EXOC3L2: variants seen among roughly 807,000 people sequenced by gnomAD.
EXOC3L2 encodes the protein exocyst complex component 3-like protein 2.
EXOC3L2 carries 17 observed loss-of-function variants against 44.4 expected under a neutral mutation model. The ratio of observed to expected loss-of-function variants is 0.38; its 90% CI spans 0.26 to 0.57. The LOEUF is 0.57. Ranked by LOEUF, EXOC3L2 falls within the 20% of genes least tolerant of loss-of-function variation. EXOC3L2 has a pLI of 0.65. For missense variants in EXOC3L2, 541 were observed against 588.4 expected, an observed-to-expected ratio of 0.92 and a Z score of 0.83; for synonymous variants, 256 against 253.7, an observed-to-expected ratio of 1.01 and a Z score of -0.09.
At chr19:45,214,332 A>C (rs917483336) in intron 11 of EXOC3L2, among the ~76,000 whole-genome samples, 1 of 152,142 alleles carries the variant, frequency 6.6e-6, no homozygotes, top group Non-Finnish European at 1.5e-5. Flanking sequence ...ATGTCTGAGA[A>C]TGTGTCTGCC....
chr19:45,240,089 T>C (rs778344563), intron 1 of EXOC3L2, among the ~76,000 whole-genome samples: 2 of 149,848 alleles, frequency 1.3e-5, no homozygotes, highest in Non-Finnish European at 3.0e-5. Flanking sequence ...ATGTCTAGAA[T>C]AGGCAAAGCC....
rs1038760422 is a variant in EXOC3L2, at chr19:45,234,049, T to C, written c.1157+144A>G. The C allele has an allele frequency of 1.3e-5, 5 of 372,126 alleles. No individual in the cohort carries two copies. The highest frequency in any genetic ancestry group is 6.3e-5 in the African/African-American group (3 of 47,482). The allele number at this position is 372,126 out of a possible 1,614,324, so 23.1% of individuals were successfully genotyped here. ...AGTCTAGGATTGTAACTGTCAGCGG[T>C]GCTGACGACTGGATGGGTTAATGGT... On this transcript the variant is annotated intron_variant, in intron 3 of 11. Transcript: ENST00000413988. This position sits in a 1 kb window ranked among gnomAD's most constrained non-coding sequence, Gnocchi z 5.0.
At position 45,218,279 on chromosome 19, in the gene EXOC3L2, C is replaced by G; in HGVS notation, c.1760G>C (p.Ser587Thr). The change falls in exon 9 of 12, where the codon AGC (serine) becomes ACC (threonine). Residue 587 changes from serine to threonine, a missense_variant. Physicochemically the swap from Ser to Thr is moderately conservative, Grantham distance 58 (BLOSUM62 1). Coordinates refer to ENST00000413988, the MANE Select transcript of EXOC3L2 (RefSeq NM_001382422.1). ...CACGATGCCATCCAGGGCCTCCGGG[C>G]TGCTCAGCCACTTCCGGCGCATCAG... ...NKLMRRKWLS[S>T]PEALDGIVGT... 1.2e-6 allele frequency: 2 copies of G among 1,608,858 alleles called. No homozygotes were observed. The highest frequency in any genetic ancestry group is 1.7e-6 in the Non-Finnish European group (2 of 1,178,586).
chr19:45,225,272 C>CT (rs1020532502), intron 7 of EXOC3L2, among the ~76,000 whole-genome samples: 163 of 142,516 alleles, frequency 1.1e-3, no homozygotes, highest in Middle Eastern at 3.6e-3. Context: ...GTCTGTGGTT[C>CT]TTTTTTTTTT....
chr19:45,213,326 G>A lies in EXOC3L2; in HGVS notation c.2152C>T (p.Arg718Cys), dbSNP rs1348252167. 25 of 1,613,740 alleles carry A rather than the reference G, an allele frequency of 1.5e-5. No homozygotes were observed. Among genetic ancestry groups the A allele is most frequent in the Middle Eastern group, 1.7e-4 (1 of 6,052 alleles). ...CGGGCGGCTGTGTTGCGCAGGCCAC[G>A]GATGTCGAGGAGGGCTGCCACGTGC... ...QKHVAALLDI[R>C]GLRNTAARQE... The change falls in exon 12 of 12, where the codon CGT becomes TGT. Residue 718 changes from arginine to cysteine, a missense_variant. Arg to Cys is a radical substitution (Grantham distance 180). Transcript: ENST00000413988.
chr19:45,235,788 C>G (rs1024089667), intron 2 of EXOC3L2, among the ~76,000 whole-genome samples: 1 of 152,162 alleles, frequency 6.6e-6, no homozygotes, highest in African/African-American at 2.4e-5. Flanking sequence ...CCCTCCCAGT[C>G]CCCAGGGAGC....
chr19:45,216,324 C>T (rs922197219), intron 10 of EXOC3L2, 130 bp from the exon 11 acceptor site: 1 of 1,326,298 alleles, frequency 7.5e-7, no homozygotes, highest in African/African-American at 1.5e-5. Flanking sequence ...GCCTGTAATC[C>T]CAGCACTTTG....
In EXOC3L2 at chr19:45,225,622, T is replaced by C. The variant is rs57343467; in HGVS notation, c.1584-709A>G. 1.2e-3 allele frequency among the ~76,000 whole-genome samples: 134 copies of C among 113,844 alleles called. 1 individual carries two copies. The highest frequency in any genetic ancestry group is 2.1e-3 in the African/African-American group (53 of 25,010). The allele number at this position is 113,844 out of a possible 152,430, so 74.7% of individuals were successfully genotyped here. On this transcript the variant is annotated intron_variant, in intron 7 of 11. Transcript: ENST00000413988. ...TGAAACTGTACCCTTACTCTTCTCT[T>C]TTTTTTTTTTTTTTTTTGAGACACA...
chr19:45,245,058 T>A (rs1031717055), intron 1 of EXOC3L2, among the ~76,000 whole-genome samples: 9 of 151,808 alleles, frequency 5.9e-5, no homozygotes, highest in Non-Finnish European at 7.4e-5. Context: ...TCATCTCTAT[T>A]CTCCTTTGGT....
In EXOC3L2 at chr19:45,218,223, G is replaced by A. The variant is rs1391353808; in HGVS notation, c.1816C>T (p.Arg606Cys). 1.9e-6 allele frequency: 3 copies of A among 1,551,662 alleles called. No individual in the cohort carries two copies. The highest frequency in any genetic ancestry group is 2.6e-6 in the Non-Finnish European group (3 of 1,149,630). The change falls in exon 9 of 12, where the codon CGC (arginine) becomes TGC (cysteine). Residue 606 changes from arginine to cysteine, a missense_variant. Physicochemically the swap from Arg to Cys is radical, Grantham distance 180. Transcript: ENST00000413988. ...TGGTAAGGCTCGTCCTGCATTCTGC[G>A]CAGGGCCAGGGCCTGGGCACCCAGC... Reference protein sequence around the residue: ...GTLGAQALALRRMQDEPYQAL... With the variant: ...GTLGAQALALCRMQDEPYQAL...
chr19:45,240,306 C>T (rs1026284110), intron 1 of EXOC3L2, among the ~76,000 whole-genome samples: 1 of 151,030 alleles, frequency 6.6e-6, no homozygotes, highest in Non-Finnish European at 1.5e-5. Context: ...TTTATTGAGA[C>T]AGGGTCTTGC....
intron 1 of EXOC3L2, 122 bp from the exon 2 acceptor site, chr19:45,239,183 G>C: frequency 2.7e-6 from 1 of 373,886 alleles, no homozygotes. Flanking sequence ...CACTTAATAA[G>C]CCCTTGATCT....
Position 45,228,220 on chromosome 19 carries a change from T to C in EXOC3L2, c.1316A>G (p.Glu439Gly). 3 of 1,614,078 alleles carry C rather than the reference T, an allele frequency of 1.9e-6. No individual in the cohort carries two copies. Among genetic ancestry groups the C allele is most frequent in the Non-Finnish European group, 2.5e-6 (3 of 1,180,006 alleles). ...CTGGTCCTCCAGGCTCCCCCAGTGC[T>C]CTTCGTCCTCCTGCAGCACACGGAG... The part of the protein sequence containing the change: ...ALLRVLQEDE[E>G]HWGSLEDQPS... Residue 439 changes from glutamate to glycine, a missense_variant, in exon 5 of 12, where the codon GAG (glutamate) becomes GGG (glycine). By Grantham distance (98) the Glu-to-Gly change is moderately conservative. Coordinates refer to ENST00000413988, the MANE Select transcript of EXOC3L2 (RefSeq NM_001382422.1).
intron 8 of EXOC3L2, among the ~76,000 whole-genome samples, chr19:45,224,508 G>A (rs1969933612): frequency 1.3e-5 from 2 of 152,038 alleles, no homozygotes; most frequent in Non-Finnish European, 2.9e-5. Flanking sequence ...TGGGGTCTAG[G>A]AGAGCCTGAG....
At chr19:45,240,561 ACAC>A in intron 1 of EXOC3L2, among the ~76,000 whole-genome samples, 1 of 152,266 alleles carries the variant, frequency 6.6e-6, no homozygotes, top group Non-Finnish European at 1.5e-5. Flanking sequence ...TGGTTGTACA[ACAC>A]TGTGAATGCA....
chr19:45,236,465 C>CAAAAA (rs34024056), intron 2 of EXOC3L2, among the ~76,000 whole-genome samples: 8 of 44,990 alleles, frequency 1.8e-4, no homozygotes, highest in Non-Finnish European at 2.3e-4. Context: ...GACTCCATCT[C>CAAAAA]AAAAAAAAAA....
At chr19:45,242,396 C>T (rs1256799262) in intron 1 of EXOC3L2, among the ~76,000 whole-genome samples, 3 of 152,108 alleles carry the variant, frequency 2.0e-5, no homozygotes, top group East Asian at 1.9e-4. Context: ...TCCCAAGCAA[C>T]GGGGACATCC....
intron 7 of EXOC3L2, among the ~76,000 whole-genome samples, chr19:45,227,105 C>CA (rs944394524): frequency 1.1e-3 from 157 of 142,314 alleles, no homozygotes; most frequent in African/African-American, 3.2e-3. Context: ...GATAAAAAGG[C>CA]AAAAAAAAAA....
At chr19:45,229,252 A>G (rs1264592914) in intron 4 of EXOC3L2, among the ~76,000 whole-genome samples, 1 of 123,022 alleles carries the variant, frequency 8.1e-6, no homozygotes, top group Non-Finnish European at 1.7e-5. Flanking sequence ...AAATATATAC[A>G]TATATTTATG....
Sources: allele counts gnomAD v4.1 joint callset (sites outside exome capture counted in the v4.1 genomes callset), GRCh38; gene constraint gnomAD v4.1.1; non-coding constraint Gnocchi (gnomAD v3.1); transcripts MANE v1.5; gene names NCBI Gene and HGNC (gene_info 2026-07-23, HGNC 2026-07-21).